DLG2: variants seen among roughly 807,000 people sequenced by gnomAD.
DLG2 encodes the protein disks large homolog 2.
Under a neutral mutation model 132.5 loss-of-function variants are expected in DLG2, and 45 were observed. The observed-to-expected ratio is 0.34, with a 90% confidence interval of 0.27 to 0.44. The LOEUF (loss-of-function observed/expected upper bound fraction) is 0.44. Among genes scored for constraint, DLG2 ranks in the 20% least tolerant of loss-of-function variants. The pLI is 1.00. For missense variants in DLG2, 1,045 were observed against 1,196.9 expected, an observed-to-expected ratio of 0.87 and a Z score of 1.87; for synonymous variants, 424 against 419.6, an observed-to-expected ratio of 1.01 and a Z score of -0.13.
chr11:85,137,531 G>C (rs954156044), intron 5 of DLG2, among the ~76,000 whole-genome samples: 1 of 151,960 alleles, frequency 6.6e-6, no homozygotes, highest in Non-Finnish European at 1.5e-5. Context: ...GATACAAAAG[G>C]CCTTCTCCTT....
intron 6 of DLG2, among the ~76,000 whole-genome samples, chr11:84,985,855 G>A (rs2056404356): frequency 6.6e-6 from 1 of 151,848 alleles, no homozygotes. Context: ...AGCAGGGCAT[G>A]ATGGCGGGTG....
intron 7 of DLG2, among the ~76,000 whole-genome samples, chr11:84,502,415 T>TTTC: frequency 1.0e-5 from 1 of 99,878 alleles, no homozygotes; most frequent in African/African-American, 5.2e-5. Flanking sequence ...TCTTTCTTTC[T>TTTC]ATACAGAGTC....
rs74749058 is a variant in DLG2 at position 84,527,227 on chromosome 11, C to G, written c.519+7343G>C. Among the ~76,000 whole-genome samples, 867 of 152,252 alleles carry G rather than the reference C, an allele frequency of 5.7e-3. 7 individuals are homozygous for G. Among genetic ancestry groups the G allele is most frequent in the Non-Finnish European group, 0.01 (700 of 68,014 alleles). ...CTCCTTGTGCCATAGGATCTTATGA[C>G]CAGTCGGGGTTGGCCAAGAGTTAAC... On this transcript the variant is annotated intron_variant, in intron 7 of 27. Transcript: ENST00000376104.
chr11:84,944,674 G>A (rs191110764), intron 6 of DLG2, among the ~76,000 whole-genome samples: 1 of 142,494 alleles, frequency 7.0e-6, no homozygotes, highest in East Asian at 2.1e-4. Context: ...GCATGATCTC[G>A]GCTCACCGCA....
chr11:85,485,315 C>T (rs1176634906), intron 3 of DLG2, among the ~76,000 whole-genome samples: 2 of 147,178 alleles, frequency 1.4e-5, no homozygotes, highest in Non-Finnish European at 3.0e-5. Context: ...AACTAACCTG[C>T]ACATTGTGCA....
chr11:84,274,108 C>A (rs2097762748), intron 7 of DLG2, among the ~76,000 whole-genome samples: 1 of 151,966 alleles, frequency 6.6e-6, no homozygotes, highest in African/African-American at 2.4e-5. Context: ...ACTTCGACAA[C>A]AAAAAAGACT....
At chr11:85,439,831 A>AG (rs1488076679) in intron 3 of DLG2, among the ~76,000 whole-genome samples, 1 of 152,218 alleles carries the variant, frequency 6.6e-6, no homozygotes, top group East Asian at 1.9e-4. Flanking sequence ...AAATGTTTGC[A>AG]GTAAGGAGGA....
At chr11:84,890,308 C>A (rs1021672906) in intron 6 of DLG2, among the ~76,000 whole-genome samples, 1 of 152,120 alleles carries the variant, frequency 6.6e-6, no homozygotes, top group African/African-American at 2.4e-5. Flanking sequence ...AGAAAAAGTA[C>A]AAAAGGTCCA....
chr11:84,025,562 T>C (rs1292663879), intron 11 of DLG2, among the ~76,000 whole-genome samples: 1 of 152,206 alleles, frequency 6.6e-6, no homozygotes. Flanking sequence ...TATTATGGTA[T>C]CATGATTTAT....
intron 6 of DLG2, among the ~76,000 whole-genome samples, chr11:84,626,816 CT>C (rs2099623200): frequency 1.4e-5 from 2 of 143,774 alleles, no homozygotes. Flanking sequence ...TTTATATGCT[CT>C]TTTTGGAAGC....
Position 83,940,455 on chromosome 11 carries a change from C to G in DLG2, c.1341-9972G>C, listed in dbSNP as rs986831955. 2.0e-5 allele frequency among the ~76,000 whole-genome samples: 3 copies of G among 152,136 alleles called. No individual in the cohort carries two copies. The East Asian group carries it at 5.8e-4, about 29-fold the overall frequency. On this transcript the variant is annotated intron_variant, in intron 14 of 27. Transcript: ENST00000376104. ...ATATACCCGATGTTATTAATCCTCC[C>G]ATGAAACCTAAGACATATGCAATAC... is the stretch of plus-strand genomic sequence containing the variant.
chr11:84,299,921 A>G (rs1276584026), intron 7 of DLG2, among the ~76,000 whole-genome samples: 3 of 152,170 alleles, frequency 2.0e-5, no homozygotes, highest in African/African-American at 7.2e-5. Flanking sequence ...TTTGATGAGA[A>G]GAGTCAAGAG....
intron 15 of DLG2, among the ~76,000 whole-genome samples, chr11:83,884,693 C>G (rs938224406): frequency 6.6e-6 from 1 of 152,168 alleles, no homozygotes; most frequent in Non-Finnish European, 1.5e-5. Flanking sequence ...TGGAAGGCAC[C>G]CCCCAGTAGG....
In DLG2 at chr11:83,486,280, A is replaced by AGAATT. The variant is rs1439692157; in HGVS notation, c.2194-2057_2194-2053dup. On this transcript the variant is annotated intron_variant, in intron 21 of 27. Transcript: ENST00000376104. ...AAAATAAAAGAAAAAAAATCATGTA[A>AGAATT]GAATTAATGGCATGTGATACTGCAA... 11 of 688,526 alleles carry AGAATT rather than the reference A, an allele frequency of 1.6e-5. No individual in the cohort carries two copies. In the East Asian group the frequency reaches 1.6e-4, roughly 10 times the overall value. The allele number at this position is 688,526 out of a possible 1,614,324, so 42.7% of individuals were successfully genotyped here.
At chr11:84,139,434 G>A (rs1359993761) in intron 9 of DLG2, among the ~76,000 whole-genome samples, 3 of 152,124 alleles carry the variant, frequency 2.0e-5, no homozygotes, top group East Asian at 1.9e-4. Flanking sequence ...AAGAGAAGAC[G>A]AAAGGGAAGA....
At chr11:85,560,118 C>T (rs542524096) in intron 3 of DLG2, among the ~76,000 whole-genome samples, 4 of 151,888 alleles carry the variant, frequency 2.6e-5, no homozygotes, top group African/African-American at 9.6e-5. Context: ...GAAACTACAT[C>T]ATACATTGCT....
chr11:83,922,386 C>A (rs1412194604), intron 15 of DLG2, among the ~76,000 whole-genome samples: 1 of 151,992 alleles, frequency 6.6e-6, no homozygotes, highest in African/African-American at 2.4e-5. Flanking sequence ...TTAGTGATCA[C>A]CTACTTCAAA....
chr11:85,242,997 G>A (rs541046073), intron 4 of DLG2, among the ~76,000 whole-genome samples: 5 of 152,052 alleles, frequency 3.3e-5, no homozygotes, highest in African/African-American at 1.2e-4. Context: ...CCATGGTAAC[G>A]ATCCAGGCAT....
chr11:83,703,781 C>T (rs1467213964), intron 18 of DLG2, among the ~76,000 whole-genome samples: 1 of 152,264 alleles, frequency 6.6e-6, no homozygotes, highest in South Asian at 2.1e-4. Flanking sequence ...AACAAGCTAA[C>T]CTAATACTCA....
Sources: allele counts gnomAD v4.1 joint callset (sites outside exome capture counted in the v4.1 genomes callset), GRCh38; gene constraint gnomAD v4.1.1; transcripts MANE v1.5; gene names NCBI Gene and HGNC (gene_info 2026-07-23, HGNC 2026-07-21).